SLC15A1: variants seen among roughly 807,000 people sequenced by gnomAD.
The protein encoded by SLC15A1 is Caco-2 oligopeptide transporter.
A neutral mutation model predicts 92.9 loss-of-function variants in SLC15A1; 83 were observed. That is an observed-to-expected ratio of 0.89 (90% CI 0.75 to 1.07). SLC15A1 has a LOEUF of 1.07. SLC15A1 is among the 50% of genes least tolerant of loss of function. SLC15A1 has a pLI of 0.00. For synonymous variants in SLC15A1, 322 were observed against 318.2 expected, an observed-to-expected ratio of 1.01 and a Z score of -0.13; for missense variants, 857 against 880.1, an observed-to-expected ratio of 0.97 and a Z score of 0.33.
At chr13:98,692,455 G>A (rs1403796105) in intron 18 of SLC15A1, among the ~76,000 whole-genome samples, 3 of 151,792 alleles carry the variant, frequency 2.0e-5, no homozygotes, top group Non-Finnish European at 4.4e-5. Flanking sequence ...CACTAAACCC[G>A]GTCTTCCTAA....
chr13:98,743,502 A>G (rs998815802), intron 1 of SLC15A1, among the ~76,000 whole-genome samples: 16 of 152,198 alleles, frequency 1.1e-4, no homozygotes, highest in African/African-American at 3.9e-4. Context: ...ACCTTTGGAC[A>G]TGCTGACAGA....
Position 98,746,234 on chromosome 13 carries a change from C to T in SLC15A1, c.4+6361G>A, listed in dbSNP as rs372394920. Among the ~76,000 whole-genome samples the T allele has an allele frequency of 2.2e-4, 33 of 152,264 alleles. No individual in the cohort carries two copies. The East Asian group carries it at 5.0e-3, about 23-fold the overall frequency. ...GTTTTTTTATTGCTGCGTAGTATTC[C>T]GTGGTGTATATGTACCACATTTTCT... On this transcript the variant is annotated intron_variant, in intron 1 of 22. Transcript: ENST00000376503.
At chr13:98,736,855 G>C (rs2088398713) in intron 1 of SLC15A1, among the ~76,000 whole-genome samples, 1 of 152,212 alleles carries the variant, frequency 6.6e-6, no homozygotes, top group East Asian at 1.9e-4. Flanking sequence ...AGGTGCTGGA[G>C]AGGATGTGGA....
chr13:98,709,727 T>C lies in SLC15A1; in HGVS notation c.978+15A>G. 1 of 1,614,166 alleles carries C rather than the reference T, an allele frequency of 6.2e-7. No individual in the cohort carries two copies. The highest frequency in any genetic ancestry group is 8.5e-7 in the Non-Finnish European group (1 of 1,180,032). ...GACGACTCTGATCCCTGAAAGCAAC[T>C]TACATGTCTTCTACCTGCATCTGAT... On this transcript the variant is annotated intron_variant, in intron 13 of 22. Transcript: ENST00000376503.
chr13:98,752,574 C>T, intron 1 of SLC15A1, 21 bp downstream of exon 1: 2 of 1,259,674 alleles, frequency 1.6e-6, no homozygotes, highest in South Asian at 3.1e-5. Flanking sequence ...GCCCGGCCGG[C>T]CCCCCACCCG....
In SLC15A1 at chr13:98,721,045, C is replaced by T. The variant is rs1219428104; in HGVS notation, c.556+450G>A. 1.2e-4 allele frequency: 54 copies of T among 442,818 alleles called. 2 individuals carry two copies. Among genetic ancestry groups the T allele is most frequent in the South Asian group, 8.5e-4 (52 of 60,838 alleles). The allele number at this position is 442,818 out of a possible 1,614,324, so 27.4% of individuals were successfully genotyped here. A position where few individuals can be genotyped will look rare whatever the true frequency, so the allele number is the denominator to read the frequency against. ...CCAGCGTGGGTGACAGAGCAAGACT[C>T]CTTCTAAAAACAAAACAAAACAAAC... On this transcript the variant is annotated intron_variant, in intron 7 of 22. Transcript: ENST00000376503.
At chr13:98,730,796 C>T (rs2088344731) in intron 1 of SLC15A1, among the ~76,000 whole-genome samples, 1 of 152,216 alleles carries the variant, frequency 6.6e-6, no homozygotes, top group African/African-American at 2.4e-5. Context: ...TGCTCAGATC[C>T]AGCTCTGCAT....
Position 98,684,818 on chromosome 13 carries a change from A to G in SLC15A1, c.2033T>C (p.Ile678Thr), listed in dbSNP as rs2087917777. ...TTCATCCTCATCAAATTGAGCTTCG[A>G]TCTCCGCTGGGTTGATGTAAGTATA... ...RFYTYINPAEIEAQFDEDEKK... is the reference protein window; with the variant it reads ...RFYTYINPAETEAQFDEDEKK... Residue 678 changes from isoleucine to threonine, a missense_variant, in exon 23 of 23, where the codon ATC becomes ACC. Coordinates refer to ENST00000376503, the MANE Select transcript of SLC15A1 (RefSeq NM_005073.4). 6.2e-7 allele frequency: 1 copy of G among 1,614,066 alleles called. No homozygotes were observed. The highest frequency in any genetic ancestry group is 8.5e-7 in the Non-Finnish European group (1 of 1,180,004).
At chr13:98,709,953 G>T in intron 11 of SLC15A1, 42 bp from the exon 12 acceptor site, 1 of 1,604,744 alleles carries the variant, frequency 6.2e-7, no homozygotes, top group Non-Finnish European at 8.5e-7. Flanking sequence ...GGGGATGTGG[G>T]TTTTTAAAAT....
At chr13:98,739,358 AG>A (rs1276538553) in intron 1 of SLC15A1, among the ~76,000 whole-genome samples, 1 of 152,210 alleles carries the variant, frequency 6.6e-6, no homozygotes, top group Non-Finnish European at 1.5e-5. Flanking sequence ...TGGGGAGGCC[AG>A]GGGGAATGAT....
At chr13:98,711,812 G>A (rs771206101) in intron 11 of SLC15A1, 42 bp downstream of exon 11, 7 of 1,467,004 alleles carry the variant, frequency 4.8e-6, no homozygotes, top group African/African-American at 4.2e-5. Context: ...CGGGATGTAC[G>A]CTTGCTCCGT....
chr13:98,751,285 A>C (rs2088544319), intron 1 of SLC15A1, among the ~76,000 whole-genome samples: 1 of 152,240 alleles, frequency 6.6e-6, no homozygotes, highest in South Asian at 2.1e-4. Context: ...TCATTTGGAA[A>C]GGAGGCTTCA....
intron 1 of SLC15A1, among the ~76,000 whole-genome samples, chr13:98,734,192 T>C (rs912131162): frequency 5.3e-5 from 8 of 152,150 alleles, no homozygotes; most frequent in Non-Finnish European, 1.2e-4. Flanking sequence ...TCTTGAACTC[T>C]GGCCTCAAGT....
chr13:98,727,760 G>A (rs948568351), intron 1 of SLC15A1, among the ~76,000 whole-genome samples: 10 of 152,104 alleles, frequency 6.6e-5, no homozygotes, highest in Admixed American at 2.6e-4. Context: ...GTGTTCATCC[G>A]TGTCTATCAC....
In SLC15A1 at chr13:98,722,122, C is replaced by T. The variant is rs4646218; in HGVS notation, c.366-219G>A. ...TGCCCCCATCTAATAATTTACCATC[C>T]GGAAAACATAAAACAGTAGCTTGCG... On this transcript the variant is annotated intron_variant, in intron 5 of 22. Transcript: ENST00000376503. 9.9e-4 allele frequency among the ~76,000 whole-genome samples: 151 copies of T among 152,232 alleles called. 4 individuals carry two copies. In the South Asian group the frequency reaches 0.029, roughly 29 times the overall value.
chr13:98,694,764 T>C (rs2088007794), intron 18 of SLC15A1, among the ~76,000 whole-genome samples: 1 of 152,180 alleles, frequency 6.6e-6, no homozygotes, highest in African/African-American at 2.4e-5. Context: ...TGGTGGCTCA[T>C]GCCTGTAATC....
intron 16 of SLC15A1, among the ~76,000 whole-genome samples, chr13:98,705,669 A>T (rs1245856534): frequency 2.0e-5 from 3 of 152,166 alleles, no homozygotes; most frequent in Non-Finnish European, 4.4e-5. Flanking sequence ...AGGTGGGTGA[A>T]TCACCTGAGG....
At chr13:98,752,555 G>A (rs1204766248) in intron 1 of SLC15A1, 40 bp downstream of exon 1, 1 of 1,275,752 alleles carries the variant, frequency 7.8e-7, no homozygotes, top group African/African-American at 1.5e-5. Context: ...GCGTAGCTCC[G>A]AGTCTTTAGC....
chr13:98,709,343 G>A (rs2088141879), intron 14 of SLC15A1, among the ~76,000 whole-genome samples: 1 of 152,196 alleles, frequency 6.6e-6, no homozygotes. Flanking sequence ...CCTATCATCT[G>A]CGTAGAGAAG....
Sources: gnomAD v4.1 joint callset for allele counts (sites outside exome capture counted in the v4.1 genomes callset) on GRCh38, gnomAD v4.1.1 for gene constraint, MANE v1.5 for transcripts, NCBI Gene and HGNC (gene_info 2026-07-23, HGNC 2026-07-21) for gene names.